CMYA5: variants seen among roughly 807,000 people sequenced by gnomAD.
The protein encoded by CMYA5 is cardiomyopathy associated 5.
Under a neutral mutation model 318.9 loss-of-function variants are expected in CMYA5, and 246 were observed. That is an observed-to-expected ratio of 0.77 (90% CI 0.70 to 0.86). The LOEUF is 0.86. Among genes scored for constraint, CMYA5 ranks in the 40% least tolerant of loss-of-function variants. The probability of loss-of-function intolerance (pLI) is 0.00; values close to 1 mark genes in which losing one functional copy is unlikely to be tolerated. For missense variants in CMYA5, 4,589 were observed against 4,678.2 expected, an observed-to-expected ratio of 0.98 and a Z score of 0.56; for synonymous variants, 1,641 against 1,729.5, an observed-to-expected ratio of 0.95 and a Z score of 1.27.
At position 79,701,341 on chromosome 5, in the gene CMYA5, A is replaced by G. The variant is rs781454187; in HGVS notation, c.149+11285A>G. The stretch of plus-strand genomic sequence containing the variant: ...ACATTAATTGACTGTACATTTCAAA[A>G]TATCTAGAAGAAAATAAATTAAATG... On this transcript the variant is annotated intron_variant, in intron 1 of 12. Coordinates refer to ENST00000446378, the MANE Select transcript of CMYA5 (RefSeq NM_153610.5). Among the ~76,000 whole-genome samples the G allele has an allele frequency of 3.3e-5, 5 of 152,344 alleles. No individual in the cohort carries two copies. In the South Asian group the frequency reaches 8.3e-4, roughly 25 times the overall value.
chr5:79,730,225 A>G lies in CMYA5; in HGVS notation c.1460A>G (p.Asn487Ser). The G allele has an allele frequency of 6.2e-7, 1 of 1,613,962 alleles. No homozygotes were observed. The highest frequency in any genetic ancestry group is 8.5e-7 in the Non-Finnish European group (1 of 1,179,862). Reference protein sequence around the residue: ...HPSVKGEKEENMLEPSISLSE... With the variant: ...HPSVKGEKEESMLEPSISLSE... ...AGTGTCAAAGGAGAGAAGGAGGAAA[A>G]CATGCTTGAGCCATCCATTTCTCTT... Residue 487 changes from asparagine to serine, a missense_variant, in exon 2 of 13, where the codon AAC becomes AGC. Asn to Ser is a conservative substitution (Grantham distance 46). This residue lies in a region of CMYA5 where 2,132 missense variants were observed against 2,131.3 expected (regional missense o/e 1.00). Coordinates refer to ENST00000446378, the MANE Select transcript of CMYA5 (RefSeq NM_153610.5).
intron 9 of CMYA5, among the ~76,000 whole-genome samples, chr5:79,786,581 T>C (rs985261642): frequency 2.0e-5 from 3 of 152,222 alleles, no homozygotes; most frequent in Admixed American, 6.5e-5. Flanking sequence ...ATAAGTCATA[T>C]GGACTTAGTT....
chr5:79,716,981 A>G (rs1462861451), intron 1 of CMYA5, among the ~76,000 whole-genome samples: 1 of 152,214 alleles, frequency 6.6e-6, no homozygotes, highest in Non-Finnish European at 1.5e-5. Flanking sequence ...CACACCTAAC[A>G]TAGTGCCTAC....
Position 79,735,093 on chromosome 5 carries a change from T to C in CMYA5, c.6328T>C (p.Ser2110Pro), listed in dbSNP as rs1312493618. 1.2e-6 allele frequency: 2 copies of C among 1,613,802 alleles called. No homozygotes were observed. Among genetic ancestry groups the C allele is most frequent in the Admixed American group, 1.7e-5 (1 of 59,972 alleles). The change falls in exon 2 of 13, where the codon TCA becomes CCA. Residue 2110 changes from serine to proline, a missense_variant. By Grantham distance (74) the Ser-to-Pro change is moderately conservative. Transcript: ENST00000446378. The part of the protein sequence containing the change: ...KPLEESKMVQ[S>P]KVIDDADEGK... ...ATTGGAAGAATCAAAAATGGTTCAG[T>C]CAAAGGTTATTGATGATGCTGATGA...
rs17254174 is a variant in CMYA5, at chr5:79,733,939, C to T, written c.5174C>T (p.Ser1725Leu). 6.6e-3 allele frequency: 10,581 copies of T among 1,613,374 alleles called. 78 individuals are homozygous for T. The highest frequency in any genetic ancestry group is 6.6e-3 in the Non-Finnish European group (7,792 of 1,179,788). The change falls in exon 2 of 13, where the codon TCG (serine) becomes TTG (leucine). Residue 1725 changes from serine to leucine, a missense_variant. Coordinates refer to ENST00000446378, the MANE Select transcript of CMYA5 (RefSeq NM_153610.5). ...TCTCCCAAGATCATCAGCCTAGAGT[C>T]GAAAGAACCACCTGCCTCTGTAGCT... Reference protein sequence around the residue: ...PFSPKIISLESKEPPASVAEG... With the variant: ...PFSPKIISLELKEPPASVAEG...
In CMYA5 at chr5:79,758,809, A is replaced by G. The variant is rs1046391485; in HGVS notation, c.11167A>G (p.Ile3723Val). ...ACCAAATTCTGCCACCAGCACAACA[A>G]TTGCAGTTTACTGGAGCATGAACAA... is the stretch of plus-strand genomic sequence containing the variant. ...QEPNSATSTT[I>V]AVYWSMNKED... The change falls in exon 7 of 13, where the codon ATT (isoleucine) becomes GTT (valine). Residue 3723 changes from isoleucine (I) to valine (V), a missense_variant. Coordinates refer to ENST00000446378, the MANE Select transcript of CMYA5 (RefSeq NM_153610.5). 2 of 1,600,990 alleles carry G rather than the reference A, an allele frequency of 1.2e-6. No homozygotes were observed. Among genetic ancestry groups the G allele is most frequent in the African/African-American group, 2.7e-5 (2 of 74,348 alleles).
chr5:79,741,254 A>T (rs779520705), intron 2 of CMYA5, among the ~76,000 whole-genome samples: 1 of 152,162 alleles, frequency 6.6e-6, no homozygotes, highest in Non-Finnish European at 1.5e-5. Flanking sequence ...AGATAATAAA[A>T]TCGTCTCAGA....
chr5:79,769,657 G>A (rs1390920011), intron 9 of CMYA5, among the ~76,000 whole-genome samples: 2 of 152,172 alleles, frequency 1.3e-5, no homozygotes, highest in African/African-American at 4.8e-5. Flanking sequence ...ATTGCTGCCT[G>A]TTCCTTCCTC....
At position 79,729,321 on chromosome 5, in the gene CMYA5, A is replaced by G. The variant is rs752916916; in HGVS notation, c.556A>G (p.Thr186Ala). The G allele has an allele frequency of 8.7e-5, 141 of 1,612,220 alleles. 2 individuals are homozygous for G. The East Asian group carries it at 1.6e-3, about 18-fold the overall frequency. Reference sequence around the variant, plus strand: ...AACCACGGAGAAAGAGAAGTCATATACTGGCATTTATGATAAAGCAAGAAA... The same window carrying G: ...AACCACGGAGAAAGAGAAGTCATATGCTGGCATTTATGATAAAGCAAGAAA... ...VLTTEKEKSY[T>A]GIYDKARKKK... Residue 186 changes from threonine (T) to alanine (A), a missense_variant, in exon 2 of 13, where the codon ACT (threonine) becomes GCT (alanine). Around this residue, in one of 3 missense-constraint regions of CMYA5, gnomAD observed 2,132 missense variants for 2,131.3 expected, o/e 1.00. Transcript: ENST00000446378.
chr5:79,697,392 A>G (rs1461814071), intron 1 of CMYA5, among the ~76,000 whole-genome samples: 1 of 152,130 alleles, frequency 6.6e-6, no homozygotes, highest in Non-Finnish European at 1.5e-5. Context: ...GTCTGGCAAG[A>G]CAGCCTGGCT....
At chr5:79,722,676 C>CA (rs1264491231) in intron 1 of CMYA5, among the ~76,000 whole-genome samples, 17,919 of 73,294 alleles carry the variant, frequency 0.24, 2,684 homozygotes, top group Admixed American at 0.37. Flanking sequence ...GACTCTGTCT[C>CA]AAAAAAAAAA....
chr5:79,788,109 T>G (rs1829112282), intron 9 of CMYA5, among the ~76,000 whole-genome samples: 1 of 152,302 alleles, frequency 6.6e-6, no homozygotes, highest in South Asian at 2.1e-4. Flanking sequence ...CTTGCAGGAC[T>G]CTGGCTCTCC....
intron 9 of CMYA5, among the ~76,000 whole-genome samples, chr5:79,786,875 C>T (rs1304610547): frequency 6.6e-6 from 1 of 152,168 alleles, no homozygotes; most frequent in Non-Finnish European, 1.5e-5. Flanking sequence ...CTTTTGTTTG[C>T]GTGCCTGCTG....
intron 1 of CMYA5, among the ~76,000 whole-genome samples, chr5:79,722,900 A>C (rs1293222717): frequency 6.7e-6 from 1 of 149,602 alleles, no homozygotes; most frequent in Non-Finnish European, 1.5e-5. Flanking sequence ...ACAAAATAAA[A>C]ACTAAAAACA....
chr5:79,764,034 G>A (rs1828704426), intron 9 of CMYA5, among the ~76,000 whole-genome samples: 1 of 151,788 alleles, frequency 6.6e-6, no homozygotes, highest in Non-Finnish European at 1.5e-5. Context: ...TAAGTTCTGG[G>A]ATATGTGTTC....
Position 79,759,554 on chromosome 5 carries a change from TGTAA to T in CMYA5, c.11260+656_11260+659del, listed in dbSNP as rs140934935. On this transcript the variant is annotated intron_variant, in intron 7 of 12. Coordinates refer to ENST00000446378, the MANE Select transcript of CMYA5 (RefSeq NM_153610.5). Reference sequence around the variant, plus strand: ...ATGGTATGTCTTACAGCTGAGCCTCTGTAAGTATCTCTCAGCTCAGAAGGACTTC... The same window carrying T: ...ATGGTATGTCTTACAGCTGAGCCTCTGTATCTCTCAGCTCAGAAGGACTTC... 4.5e-3 allele frequency among the ~76,000 whole-genome samples: 692 copies of T among 152,348 alleles called. 2 individuals carry two copies. Among genetic ancestry groups the T allele is most frequent in the Non-Finnish European group, 7.5e-3 (512 of 68,036 alleles).
intron 10 of CMYA5, 124 bp downstream of exon 10, chr5:79,789,228 T>C: frequency 1.8e-6 from 2 of 1,112,426 alleles, no homozygotes; most frequent in Middle Eastern, 4.4e-4. Flanking sequence ...TAGGTTTTTG[T>C]CATGAGGACC....
intron 9 of CMYA5, among the ~76,000 whole-genome samples, chr5:79,787,658 A>G (rs2151099902): frequency 6.6e-6 from 1 of 152,278 alleles, no homozygotes; most frequent in African/African-American, 2.4e-5. Context: ...GTTTGCACTG[A>G]CCTTTTCCAG....
At position 79,729,626 on chromosome 5, in the gene CMYA5, A is replaced by G; in HGVS notation, c.861A>G (p.Leu287=). The change falls in exon 2 of 13, where the codon TTA becomes TTG. Residue 287 remains leucine, a synonymous_variant. Coordinates refer to ENST00000446378, the MANE Select transcript of CMYA5 (RefSeq NM_153610.5). ...GSNTVSKTRK[L]VAQSIEDKVK... is the part of the protein sequence containing the mutation. ...ATACAGTGTCCAAAACACGCAAATTAGTAGCCCAAAGCATAGAGGATAAAG... is the reference window on the plus strand; with the variant it reads ...ATACAGTGTCCAAAACACGCAAATTGGTAGCCCAAAGCATAGAGGATAAAG... 1 of 1,613,932 alleles carries G rather than the reference A, an allele frequency of 6.2e-7. No homozygotes were observed. Among genetic ancestry groups the G allele is most frequent in the Middle Eastern group, 1.6e-4 (1 of 6,062 alleles).
Sources: gnomAD v4.1 joint callset for allele counts (sites outside exome capture counted in the v4.1 genomes callset) on GRCh38, gnomAD v4.1.1 for gene constraint, gnomAD v4.1.1 regional missense constraint, MANE v1.5 for transcripts, NCBI Gene and HGNC (gene_info 2026-07-23, HGNC 2026-07-21) for gene names.